SPSB4: variants seen among roughly 807,000 people sequenced by gnomAD.
The protein encoded by SPSB4 is splA/ryanodine receptor domain and SOCS box containing 4.
In SPSB4, 21 loss-of-function variants were observed where a neutral mutation model predicts 20.9. The ratio of observed to expected loss-of-function variants is 1.01; its 90% CI spans 0.71 to 1.45. The LOEUF (loss-of-function observed/expected upper bound fraction) is 1.45, where lower values mean the gene tolerates loss of function less well. SPSB4 is among the 40% of genes most tolerant of loss of function. SPSB4 has a pLI of 0.00. For synonymous variants in SPSB4, 207 were observed against 183.8 expected (o/e 1.13, Z -1.02); for missense variants, 399 against 399.2 (o/e 1.00, Z 0.00).
At chr3:141,078,413 A>T (rs539125125) in intron 2 of SPSB4, among the ~76,000 whole-genome samples, 2 of 152,252 alleles carry the variant, frequency 1.3e-5, no homozygotes, top group East Asian at 3.9e-4. Flanking sequence ...GGGGAGTGCA[A>T]GGTCCTTAGG....
At chr3:141,090,677 G>T (rs1387285106) in intron 2 of SPSB4, among the ~76,000 whole-genome samples, 1 of 152,182 alleles carries the variant, frequency 6.6e-6, no homozygotes, top group Non-Finnish European at 1.5e-5. Flanking sequence ...GAGGTTAGCC[G>T]ATCAAGGATG....
chr3:141,105,662 C>T (rs1938676023), intron 2 of SPSB4, among the ~76,000 whole-genome samples: 1 of 152,148 alleles, frequency 6.6e-6, no homozygotes, highest in Non-Finnish European at 1.5e-5. Context: ...CAAAGCCAGG[C>T]GGGTCTGACT....
At chr3:141,070,869 G>C (rs1366336832) in intron 2 of SPSB4, among the ~76,000 whole-genome samples, 1 of 152,222 alleles carries the variant, frequency 6.6e-6, no homozygotes, top group Non-Finnish European at 1.5e-5. Context: ...TTGTGGAGAC[G>C]TTTACCCTCA....
intron 2 of SPSB4, among the ~76,000 whole-genome samples, chr3:141,082,509 G>A (rs952643255): frequency 6.6e-6 from 1 of 152,216 alleles, no homozygotes; most frequent in Non-Finnish European, 1.5e-5. Flanking sequence ...TTTGAGCCCT[G>A]CCAGATAAAC....
intron 1 of SPSB4, among the ~76,000 whole-genome samples, chr3:141,053,964 C>T (rs372585640): frequency 2.6e-5 from 4 of 152,222 alleles, no homozygotes; most frequent in African/African-American, 9.6e-5. Context: ...CCTTTTACTC[C>T]AACACTCCAA....
intron 2 of SPSB4, among the ~76,000 whole-genome samples, chr3:141,105,850 C>T (rs1182290892): frequency 1.3e-5 from 2 of 152,184 alleles, no homozygotes; most frequent in African/African-American, 4.8e-5. Flanking sequence ...TTTCCATCTC[C>T]CTTTCCTGGT....
intron 1 of SPSB4, among the ~76,000 whole-genome samples, chr3:141,061,524 A>G (rs891292045): frequency 6.6e-6 from 1 of 152,008 alleles, no homozygotes; most frequent in African/African-American, 2.4e-5. Context: ...TTATCACCCT[A>G]GTTTCCCCAA....
At chr3:141,107,730 G>T (rs528528699) in intron 2 of SPSB4, among the ~76,000 whole-genome samples, 1 of 152,210 alleles carries the variant, frequency 6.6e-6, no homozygotes, top group Non-Finnish European at 1.5e-5. Context: ...GCCAAGACAG[G>T]TGGATCACCT....
At chr3:141,121,104 C>G (rs543011862) in intron 2 of SPSB4, among the ~76,000 whole-genome samples, 50 of 151,678 alleles carry the variant, frequency 3.3e-4, no homozygotes, top group African/African-American at 1.2e-3. Context: ...TAGGGCAGGC[C>G]TGGTGGTAAC....
At chr3:141,142,440 G>A (rs1939345092) in intron 2 of SPSB4, among the ~76,000 whole-genome samples, 1 of 152,172 alleles carries the variant, frequency 6.6e-6, no homozygotes, top group South Asian at 2.1e-4. Context: ...TAAATTTATT[G>A]AGACTTGTTT....
chr3:141,105,225 G>T (rs1484378546), intron 2 of SPSB4, among the ~76,000 whole-genome samples: 1 of 152,218 alleles, frequency 6.6e-6, no homozygotes, highest in Non-Finnish European at 1.5e-5. Flanking sequence ...AGGGCTTTGA[G>T]GCTGAGGTGC....
At chr3:141,097,869 AG>A (rs1938568142) in intron 2 of SPSB4, among the ~76,000 whole-genome samples, 1 of 152,236 alleles carries the variant, frequency 6.6e-6, no homozygotes. Flanking sequence ...TGATAATAAT[AG>A]TGACCCTTTA....
chr3:141,111,446 T>A (rs186527776), intron 2 of SPSB4, among the ~76,000 whole-genome samples: 1 of 147,916 alleles, frequency 6.8e-6, no homozygotes, highest in Admixed American at 6.9e-5. Flanking sequence ...GGGAAATGAT[T>A]TGTCAAAAAT....
intron 2 of SPSB4, among the ~76,000 whole-genome samples, chr3:141,129,024 C>G (rs1939094275): frequency 6.6e-6 from 1 of 152,180 alleles, no homozygotes; most frequent in South Asian, 2.1e-4. Context: ...AAAAAGGAAG[C>G]TGCTGTTTGC....
At chr3:141,071,459 C>A (rs1317931191) in intron 2 of SPSB4, among the ~76,000 whole-genome samples, 4 of 148,950 alleles carry the variant, frequency 2.7e-5, no homozygotes, top group Non-Finnish European at 5.9e-5. Context: ...TGTTCTGTGC[C>A]CTGGGCTTAG....
chr3:141,056,199 T>C (rs893807603), intron 1 of SPSB4, among the ~76,000 whole-genome samples: 1 of 152,224 alleles, frequency 6.6e-6, no homozygotes, highest in Non-Finnish European at 1.5e-5. Flanking sequence ...ATCTGACCTT[T>C]AATGTTGTGA....
chr3:141,129,838 T>C (rs1248625446), intron 2 of SPSB4, among the ~76,000 whole-genome samples: 2 of 152,252 alleles, frequency 1.3e-5, no homozygotes, highest in African/African-American at 4.8e-5. Context: ...TTAGGACTAT[T>C]TTCCTGTGCA....
At chr3:141,125,106 G>A (rs1309883834) in intron 2 of SPSB4, among the ~76,000 whole-genome samples, 2 of 152,080 alleles carry the variant, frequency 1.3e-5, no homozygotes, top group Admixed American at 6.5e-5. Flanking sequence ...AAAATGTCTC[G>A]ACTTCCAGGA....
chr3:141,131,907 G>A lies in SPSB4; in HGVS notation c.695-15235G>A, dbSNP rs568103264. On this transcript the variant is annotated intron_variant, in intron 2 of 2. Coordinates refer to ENST00000310546, the MANE Select transcript of SPSB4 (RefSeq NM_080862.3). Reference sequence around the variant, plus strand: ...TTTCCAAAGTGGTTGTGCAGTTCACGTTGCCACTAAAAGCATTGTGAGCAT... The same window carrying A: ...TTTCCAAAGTGGTTGTGCAGTTCACATTGCCACTAAAAGCATTGTGAGCAT... Among the ~76,000 whole-genome samples the A allele has an allele frequency of 3.3e-5, 5 of 152,308 alleles. 1 individual carries two copies. The South Asian group carries it at 8.3e-4, about 25-fold the overall frequency.
Sources: allele counts gnomAD v4.1 joint callset (sites outside exome capture counted in the v4.1 genomes callset), GRCh38; gene constraint gnomAD v4.1.1; transcripts MANE v1.5; gene names NCBI Gene and HGNC (gene_info 2026-07-23, HGNC 2026-07-21).